CTR9: variants seen among roughly 807,000 people sequenced by gnomAD.
CTR9 encodes the protein RNA polymerase-associated protein CTR9 homolog.
A neutral mutation model predicts 152.1 loss-of-function variants in CTR9; 41 were observed. That is an observed-to-expected ratio of 0.27 (90% CI 0.21 to 0.35). The LOEUF (loss-of-function observed/expected upper bound fraction) is 0.35, where lower values mean the gene tolerates loss of function less well. CTR9 is among the 10% of genes least tolerant of loss of function. The pLI, the probability that CTR9 is intolerant of heterozygous loss-of-function variation, is 1.00. For synonymous variants in CTR9, 476 were observed against 496.2 expected (o/e 0.96, Z 0.54); for missense variants, 917 against 1,424.4 (o/e 0.64, Z 5.73).
chr11:10,775,412 CA>C, intron 23 of CTR9, 108 bp from the exon 24 acceptor site: 1 of 1,377,314 alleles, frequency 7.3e-7, no homozygotes, highest in Non-Finnish European at 1.0e-6. Flanking sequence ...TGCTTGTTTT[CA>C]AAGTTCATCA....
intron 7 of CTR9, among the ~76,000 whole-genome samples, chr11:10,762,702 G>T (rs1439411479): frequency 6.6e-6 from 1 of 152,074 alleles, no homozygotes; most frequent in Non-Finnish European, 1.5e-5. Context: ...GGTATTTTAG[G>T]TTTCTTAAAA....
intron 24 of CTR9, among the ~76,000 whole-genome samples, chr11:10,776,909 G>T (rs1401766464): frequency 7.6e-6 from 1 of 131,160 alleles, no homozygotes; most frequent in Non-Finnish European, 1.6e-5. Flanking sequence ...GGAGGCAGAG[G>T]TTGAAGTGAG....
At chr11:10,765,785 C>T (rs956714652) in intron 12 of CTR9, among the ~76,000 whole-genome samples, 2 of 152,130 alleles carry the variant, frequency 1.3e-5, no homozygotes, top group Non-Finnish European at 2.9e-5. Context: ...TAACTTGGTG[C>T]CTATCATGCT....
chr11:10,765,097 G>A (rs10840488), intron 12 of CTR9, among the ~76,000 whole-genome samples: 84,099 of 152,108 alleles, frequency 0.55, 24,591 homozygotes, highest in East Asian at 0.82. Flanking sequence ...AGGAAGAAAA[G>A]TGCTTTTCCT....
Position 10,772,618 on chromosome 11 carries a change from A to T in CTR9, c.2543A>T (p.Glu848Val). 1 of 1,609,456 alleles carries T rather than the reference A, an allele frequency of 6.2e-7. No homozygotes were observed. Among genetic ancestry groups the T allele is most frequent in the Non-Finnish European group, 8.5e-7 (1 of 1,178,298 alleles). The change falls in exon 20 of 25, where the codon GAA becomes GTA. Residue 848 changes from glutamate to valine, a missense_variant. Physicochemically the swap from Glu to Val is moderately radical, Grantham distance 121 (BLOSUM62 -2). Coordinates refer to ENST00000361367, the MANE Select transcript of CTR9 (RefSeq NM_014633.5). ...GAGCTGCGGGCCAAGCAAGAGCAAG[A>T]AAAGGAGCTGTTAAGGCAGAAACTT... Reference protein sequence around the residue: ...ERELRAKQEQEKELLRQKLLK... With the variant: ...ERELRAKQEQVKELLRQKLLK...
intron 24 of CTR9, among the ~76,000 whole-genome samples, chr11:10,777,325 A>C (rs996480977): frequency 1.3e-5 from 2 of 152,178 alleles, no homozygotes; most frequent in Non-Finnish European, 2.9e-5. Flanking sequence ...TGAGGCCAGA[A>C]GTTTGAGACT....
chr11:10,752,837 A>G (rs1037046301), intron 2 of CTR9, 67 bp downstream of exon 2: 2 of 1,256,482 alleles, frequency 1.6e-6, no homozygotes, highest in South Asian at 1.2e-5. Flanking sequence ...CTGTTTTCAG[A>G]TATAGTAATA....
chr11:10,754,953 T>C lies in CTR9; in HGVS notation c.145-5T>C. ...GTGATTCTAATTTGTTTCATTACCT[T>C]ATAGCTGGAATACTACAAGCAAGGA... is the stretch of plus-strand genomic sequence containing the variant. On this transcript the variant is annotated splice_region_variant and splice_polypyrimidine_tract_variant and intron_variant, in intron 2 of 24. Transcript: ENST00000361367. 1 of 1,612,660 alleles carries C rather than the reference T, an allele frequency of 6.2e-7. No individual in the cohort carries two copies. The highest frequency in any genetic ancestry group is 1.3e-5 in the African/African-American group (1 of 74,922).
chr11:10,760,555 A>G (rs752153811), intron 6 of CTR9, among the ~76,000 whole-genome samples: 15 of 151,934 alleles, frequency 9.9e-5, no homozygotes, highest in Non-Finnish European at 1.9e-4. Flanking sequence ...GTTACAATTC[A>G]GGTAGTATTG....
chr11:10,764,488 C>A (rs752974097), intron 11 of CTR9, 52 bp downstream of exon 11: 21 of 1,176,536 alleles, frequency 1.8e-5, no homozygotes, highest in Non-Finnish European at 2.5e-5. Context: ...GTTGCATGCA[C>A]ACCTTTTTAA....
chr11:10,778,544 GAT>G, intron 24 of CTR9, 133 bp from the exon 25 acceptor site: 2 of 755,746 alleles, frequency 2.6e-6, no homozygotes, highest in East Asian at 5.4e-5. Flanking sequence ...ATCACAGAAT[GAT>G]ACCTGTGTAA....
At chr11:10,776,762 C>T (rs1394226633) in intron 24 of CTR9, among the ~76,000 whole-genome samples, 1 of 151,952 alleles carries the variant, frequency 6.6e-6, no homozygotes, top group Non-Finnish European at 1.5e-5. Context: ...CACTTGAGGC[C>T]AGGAGTTTGA....
intron 21 of CTR9, 59 bp from the exon 22 acceptor site, chr11:10,773,953 A>G (rs1248094622): frequency 4.7e-6 from 6 of 1,263,670 alleles, no homozygotes; most frequent in Non-Finnish European, 6.7e-6. Flanking sequence ...GTACCTTAGC[A>G]TTCTAACCAC....
At chr11:10,769,358 G>C (rs1461083568) in intron 16 of CTR9, among the ~76,000 whole-genome samples, 3 of 152,178 alleles carry the variant, frequency 2.0e-5, no homozygotes, top group Non-Finnish European at 4.4e-5. Context: ...AAAGTAAAAA[G>C]GATCTTCGGC....
Position 10,766,507 on chromosome 11 carries a change from C to A in CTR9, c.1686+17C>A. On this transcript the variant is annotated intron_variant, in intron 13 of 24. Coordinates refer to ENST00000361367, the MANE Select transcript of CTR9 (RefSeq NM_014633.5). ...ATTAATCAGGTTGGTAATATTAACT[C>A]TTAGGTTTGAGAAATAATTATTTTC... The A allele has an allele frequency of 6.6e-7, 1 of 1,514,418 alleles. No homozygotes were observed. The allele number at this position is 1,514,418 out of a possible 1,614,324, so 93.8% of individuals were successfully genotyped here. A position where few individuals can be genotyped will look rare whatever the true frequency, so the allele number is the denominator to read the frequency against.
chr11:10,764,786 G>A, intron 12 of CTR9, 55 bp downstream of exon 12: 2 of 1,435,514 alleles, frequency 1.4e-6, no homozygotes, highest in Non-Finnish European at 1.9e-6. Flanking sequence ...CACAAGAGCA[G>A]CAAAAATTTA....
chr11:10,767,599 G>C lies in CTR9; in HGVS notation c.1687-207G>C, dbSNP rs1863079490. The C allele has an allele frequency of 3.7e-6, 2 of 539,372 alleles. No individual in the cohort carries two copies. The highest frequency in any genetic ancestry group is 6.6e-6 in the Non-Finnish European group (2 of 301,930). 33.4% of individuals were successfully genotyped at this position (539,372 alleles called of 1,614,324 possible). The stretch of plus-strand genomic sequence containing the variant: ...TAAACTGAAAGCATTAATTAAAGTG[G>C]TGCAATTTTGTATAACTTAGCTTTA... On this transcript the variant is annotated intron_variant, in intron 13 of 24. Transcript: ENST00000361367. The surrounding 1 kb of genome is among the most constrained non-coding windows in gnomAD (Gnocchi z 4.0).
intron 21 of CTR9, 81 bp downstream of exon 21, chr11:10,773,354 C>G (rs1221909897): frequency 6.5e-7 from 1 of 1,529,254 alleles, no homozygotes; most frequent in East Asian, 2.3e-5. Flanking sequence ...TGGTTAAATT[C>G]CTTCTGTACT....
intron 24 of CTR9, among the ~76,000 whole-genome samples, chr11:10,778,446 T>C (rs1863276015): frequency 1.3e-5 from 2 of 152,230 alleles, no homozygotes; most frequent in South Asian, 2.1e-4. Flanking sequence ...TTTTGACTTA[T>C]AGCTAAAGTG....
Sources: allele counts gnomAD v4.1 joint callset (sites outside exome capture counted in the v4.1 genomes callset), GRCh38; gene constraint gnomAD v4.1.1; non-coding constraint Gnocchi (gnomAD v3.1); transcripts MANE v1.5; gene names NCBI Gene and HGNC (gene_info 2026-07-23, HGNC 2026-07-21).